RIT2: variants seen among roughly 807,000 people sequenced by gnomAD.
RIT2 encodes GTP-binding protein Rit2.
Under a neutral mutation model 23.7 loss-of-function variants are expected in RIT2, and 24 were observed. The observed-to-expected ratio is 1.01, with a 90% CI of 0.73 to 1.43. RIT2 has a LOEUF of 1.43. Ranked by LOEUF, RIT2 falls within the 40% of genes most tolerant of loss-of-function variation. RIT2 has a pLI of 0.00. For missense variants in RIT2, 236 were observed against 266.9 expected (o/e 0.88, Z 0.81); for synonymous variants, 107 against 91.1 (o/e 1.17, Z -0.99).
chr18:42,907,428 G>C (rs1908652247), intron 4 of RIT2, among the ~76,000 whole-genome samples: 1 of 115,876 alleles, frequency 8.6e-6, no homozygotes, highest in South Asian at 2.9e-4. Flanking sequence ...ACTGTTGAAG[G>C]GGTTGAGCAC....
At chr18:42,842,976 A>G (rs1568010427) in intron 4 of RIT2, among the ~76,000 whole-genome samples, 1 of 152,224 alleles carries the variant, frequency 6.6e-6, no homozygotes, top group Non-Finnish European at 1.5e-5. Flanking sequence ...TTGATTTCTA[A>G]AGCCAGTAAT....
chr18:42,972,258 T>C (rs1305210546), intron 3 of RIT2, among the ~76,000 whole-genome samples: 1 of 151,926 alleles, frequency 6.6e-6, no homozygotes, highest in Non-Finnish European at 1.5e-5. Context: ...TTGTATATAT[T>C]CCCAGTGGCT....
At chr18:42,835,884 A>T (rs1047929016) in intron 4 of RIT2, among the ~76,000 whole-genome samples, 5 of 152,326 alleles carry the variant, frequency 3.3e-5, no homozygotes, top group African/African-American at 1.2e-4. Flanking sequence ...ATATTTGCCA[A>T]ATATAAAATT....
chr18:42,896,266 A>G (rs955593864), intron 4 of RIT2, among the ~76,000 whole-genome samples: 1 of 152,170 alleles, frequency 6.6e-6, no homozygotes, highest in African/African-American at 2.4e-5. Context: ...CTCCGTCACA[A>G]AAAAAATAAA....
chr18:42,971,940 G>A (rs931573221), intron 3 of RIT2, among the ~76,000 whole-genome samples: 3 of 151,912 alleles, frequency 2.0e-5, no homozygotes, highest in Non-Finnish European at 2.9e-5. Context: ...CATTATATTG[G>A]CACCACACTG....
chr18:43,084,787 G>T (rs924761854), intron 1 of RIT2, among the ~76,000 whole-genome samples: 1 of 152,120 alleles, frequency 6.6e-6, no homozygotes, highest in African/African-American at 2.4e-5. Context: ...TGCATGCAGG[G>T]CTTAAAACCT....
rs745858116 is a variant in RIT2, at chr18:42,923,771, A to G, written c.235-8T>C. ...CATGGCTGTGAATTCTGCCTGCAGGAAAAAAAAAAAAAAATTAGTTATGGG... is the reference window on the plus strand; with the variant it reads ...CATGGCTGTGAATTCTGCCTGCAGGGAAAAAAAAAAAAAATTAGTTATGGG... On this transcript the variant is annotated splice_region_variant and splice_polypyrimidine_tract_variant and intron_variant, in intron 3 of 4. Transcript: ENST00000326695. 6 of 243,976 alleles carry G rather than the reference A, an allele frequency of 2.5e-5. No individual in the cohort carries two copies. Among genetic ancestry groups the G allele is most frequent in the Non-Finnish European group, 3.7e-5 (6 of 163,062 alleles). 15.1% of individuals were successfully genotyped at this position (243,976 alleles called of 1,614,324 possible).
chr18:43,115,641 T>A lies in RIT2; in HGVS notation c.-122A>T. On this transcript the variant is annotated 5_prime_UTR_variant, in exon 1 of 5. It removes an upstream start codon present in the reference 5' UTR. Coordinates refer to ENST00000326695, the MANE Select transcript of RIT2 (RefSeq NM_002930.4). Reference sequence around the variant, plus strand: ...AGGTTTTAGTACGAGGTAAGAACCATCAGCGTCGGGCTGGCTGCTGGTCCT... The same window carrying A: ...AGGTTTTAGTACGAGGTAAGAACCAACAGCGTCGGGCTGGCTGCTGGTCCT... 1 of 1,372,986 alleles carries A rather than the reference T, an allele frequency of 7.3e-7. No individual in the cohort carries two copies. The highest frequency in any genetic ancestry group is 9.5e-7 in the Non-Finnish European group (1 of 1,049,340). 85.1% of individuals were successfully genotyped at this position (1,372,986 alleles called of 1,614,324 possible). A position where few individuals can be genotyped will look rare whatever the true frequency, so the allele number is the denominator to read the frequency against.
At chr18:42,803,145 C>T (rs577347276) in intron 4 of RIT2, among the ~76,000 whole-genome samples, 9 of 152,306 alleles carry the variant, frequency 5.9e-5, no homozygotes, top group African/African-American at 2.2e-4. Context: ...ATAAAACAAA[C>T]ATTAGATTAT....
At chr18:43,077,623 A>G (rs553033871) in intron 1 of RIT2, among the ~76,000 whole-genome samples, 8 of 152,276 alleles carry the variant, frequency 5.3e-5, no homozygotes, top group African/African-American at 1.4e-4. Flanking sequence ...TACGGCTATG[A>G]TGATTCATGT....
intron 1 of RIT2, among the ~76,000 whole-genome samples, chr18:43,086,810 T>A (rs1409798897): frequency 6.6e-6 from 1 of 152,132 alleles, no homozygotes; most frequent in Non-Finnish European, 1.5e-5. Flanking sequence ...AGTGGGCAAA[T>A]GCCACACTAA....
intron 4 of RIT2, among the ~76,000 whole-genome samples, chr18:42,847,830 G>A (rs1906950373): frequency 6.6e-6 from 1 of 151,630 alleles, no homozygotes. Flanking sequence ...AAGGATAAGA[G>A]CATTAGAATT....
intron 4 of RIT2, among the ~76,000 whole-genome samples, chr18:42,867,212 G>T (rs1907495808): frequency 6.6e-6 from 1 of 152,094 alleles, no homozygotes; most frequent in Non-Finnish European, 1.5e-5. Flanking sequence ...GCTTTGTGGG[G>T]ATTCTGTAAA....
chr18:42,868,074 C>T (rs954207419), intron 4 of RIT2, among the ~76,000 whole-genome samples: 3 of 152,186 alleles, frequency 2.0e-5, no homozygotes, highest in Admixed American at 2.0e-4. Flanking sequence ...TTTGTCTTAA[C>T]TTATACTATG....
intron 4 of RIT2, among the ~76,000 whole-genome samples, chr18:42,820,529 G>T (rs1906118481): frequency 6.6e-6 from 1 of 152,070 alleles, no homozygotes; most frequent in Non-Finnish European, 1.5e-5. Context: ...ACCGTGGAAG[G>T]GACTGGAATG....
intron 4 of RIT2, among the ~76,000 whole-genome samples, chr18:42,811,759 C>T (rs926460285): frequency 6.6e-6 from 1 of 151,778 alleles, no homozygotes; most frequent in African/African-American, 2.4e-5. Flanking sequence ...TGACAAGGTG[C>T]TAGAATGTTG....
At chr18:42,871,394 GCA>G (rs904292814) in intron 4 of RIT2, among the ~76,000 whole-genome samples, 11 of 151,848 alleles carry the variant, frequency 7.2e-5, no homozygotes, top group Non-Finnish European at 7.4e-5. Flanking sequence ...GTGTATACAT[GCA>G]CACACACATA....
At chr18:42,861,933 A>G (rs1488314885) in intron 4 of RIT2, among the ~76,000 whole-genome samples, 2 of 152,232 alleles carry the variant, frequency 1.3e-5, no homozygotes, top group African/African-American at 4.8e-5. Context: ...AAAATTTTTT[A>G]GATCTCTCTG....
chr18:43,097,654 C>T (rs191530050), intron 1 of RIT2, among the ~76,000 whole-genome samples: 12 of 151,992 alleles, frequency 7.9e-5, no homozygotes, highest in African/African-American at 2.4e-4. Flanking sequence ...CTCCCATTGG[C>T]TGAGTTTTAC....
Sources: allele counts gnomAD v4.1 joint callset (sites outside exome capture counted in the v4.1 genomes callset), GRCh38; gene constraint gnomAD v4.1.1; transcripts MANE v1.5; gene names NCBI Gene and HGNC (gene_info 2026-07-23, HGNC 2026-07-21).